ASMTL: variants seen among roughly 807,000 people sequenced by gnomAD.
The protein encoded by ASMTL is probable bifunctional dTTP/UTP pyrophosphatase/methyltransferase protein.
ASMTL carries 57 observed loss-of-function variants against 60.3 expected under a neutral mutation model. The observed-to-expected ratio is 0.95, with a 90% CI of 0.76 to 1.18. The LOEUF (loss-of-function observed/expected upper bound fraction) is 1.18, where lower values mean the gene tolerates loss of function less well. Among genes scored for constraint, ASMTL ranks in the 50% most tolerant of loss-of-function variants. The pLI is 0.00. For missense variants in ASMTL, 981 were observed against 852.6 expected (o/e 1.15, Z -1.88); for synonymous variants, 419 against 373.0 (o/e 1.12, Z -1.42).
At chrX:1,433,760 G>T (rs1386863229) in intron 5 of ASMTL, among the ~76,000 whole-genome samples, 9 of 151,896 alleles carry the variant, frequency 5.9e-5, no homozygotes, top group African/African-American at 2.2e-4. Context: ...TGTTGGCAGA[G>T]CTGTGCCACG....
At chrX:1,428,724 A>T (rs1405640021) in intron 6 of ASMTL, among the ~76,000 whole-genome samples, 1 of 148,406 alleles carries the variant, frequency 6.7e-6, no homozygotes, top group Admixed American at 6.9e-5. Flanking sequence ...TCATCATTAA[A>T]TCAAGCCAAT....
At chrX:1,445,283 CACAA>C (rs199976961) in intron 1 of ASMTL, among the ~76,000 whole-genome samples, 3,648 of 152,178 alleles carry the variant, frequency 0.024, 158 homozygotes, top group African/African-American at 0.083. Context: ...TTGCCTAAAA[CACAA>C]ACAGACACTC....
At chrX:1,417,487 GAC>G (rs759663398) in intron 11 of ASMTL, among the ~76,000 whole-genome samples, 33 of 145,154 alleles carry the variant, frequency 2.3e-4, no homozygotes, top group South Asian at 6.6e-4. Flanking sequence ...ATGCACGGAA[GAC>G]ACACACCATG....
At chrX:1,433,154 CAG>C (rs1357110044) in intron 5 of ASMTL, among the ~76,000 whole-genome samples, 1 of 152,018 alleles carries the variant, frequency 6.6e-6, no homozygotes, top group Non-Finnish European at 1.5e-5. Flanking sequence ...GGTCCGGACA[CAG>C]AGCCCCTGAA....
Position 1,434,171 on chromosome X carries a change from C to G in ASMTL, c.400+851G>C, listed in dbSNP as rs113540166. Among the ~76,000 whole-genome samples, 683 of 152,264 alleles carry G rather than the reference C, an allele frequency of 4.5e-3. 8 individuals carry two copies. Among genetic ancestry groups the G allele is most frequent in the African/African-American group, 0.016 (648 of 41,570 alleles). On this transcript the variant is annotated intron_variant, in intron 5 of 12. Coordinates refer to ENST00000381317, the MANE Select transcript of ASMTL (RefSeq NM_004192.4). ...GGAAGAACCCAGCAATATGGTGATA[C>G]AACTGCCTGGGCCGGGCACCGTGGT...
Position 1,439,106 on chromosome X carries a change from G to C in ASMTL, c.264C>G (p.Asp88Glu). The C allele has an allele frequency of 6.2e-7, 1 of 1,614,020 alleles. No homozygotes were observed. Among genetic ancestry groups the C allele is most frequent in the South Asian group, 1.1e-5 (1 of 91,078 alleles). Residue 88 changes from aspartate to glutamate, a missense_variant, in exon 3 of 13, where the codon GAC (aspartate) becomes GAG (glutamate). By Grantham distance (45) the Asp-to-Glu change is conservative. Coordinates refer to ENST00000381317, the MANE Select transcript of ASMTL (RefSeq NM_004192.4). ...LRAPDVVIGA[D>E]TIVTVGGLIL... ...CCCTGGCCGCACTCACCACGATCGT[G>C]TCCGCTCCAATGACCACGTCGGGGG...
intron 5 of ASMTL, among the ~76,000 whole-genome samples, chrX:1,434,143 G>A (rs1168639216): frequency 1.3e-5 from 2 of 152,108 alleles, no homozygotes; most frequent in African/African-American, 2.4e-5. Flanking sequence ...ATGGGTTGGT[G>A]CAGGAAGAAC....
At chrX:1,418,279 AC>A (rs1357000843) in intron 10 of ASMTL, 163 bp from the exon 11 acceptor site, 3 of 314,010 alleles carry the variant, frequency 9.6e-6, no homozygotes, top group Admixed American at 1.3e-4. Flanking sequence ...CCCAGACAAG[AC>A]TGTACAAGCA....
At chrX:1,437,895 CA>C (rs111281481) in intron 3 of ASMTL, among the ~76,000 whole-genome samples, 39,378 of 126,068 alleles carry the variant, frequency 0.31, 8,478 homozygotes, top group African/African-American at 0.64. Flanking sequence ...GACTCCATCT[CA>C]AAAAAAAAAA....
At chrX:1,431,870 G>A in intron 6 of ASMTL, 1 of 207,554 alleles carries the variant, frequency 4.8e-6, no homozygotes. Context: ...CCAATCTGTG[G>A]ACGGGACGAC....
At position 1,435,041 on chromosome X, in the gene ASMTL, G is replaced by T; in HGVS notation, c.381C>A (p.Ile127=). 1 of 1,613,922 alleles carries T rather than the reference G, an allele frequency of 6.2e-7. No individual in the cohort carries two copies. Among genetic ancestry groups the T allele is most frequent in the East Asian group, 2.2e-5 (1 of 44,878 alleles). The change falls in exon 5 of 13, where the codon ATC becomes ATA. Residue 127 remains isoleucine, a synonymous_variant. Transcript: ENST00000381317. The part of the protein sequence containing the change: ...REHSVFTGVA[I]VHCSSKDHQL... ...GGTTACCTTTGCTGGAGCAGTGGAC[G>T]ATCGCGACACCTGTGAACACGCTGT...
At chrX:1,436,580 C>A (rs2090972033) in intron 3 of ASMTL, among the ~76,000 whole-genome samples, 1 of 152,150 alleles carries the variant, frequency 6.6e-6, no homozygotes. Flanking sequence ...TCTCGATCTC[C>A]TGACCTTGTG....
At chrX:1,426,109 GAC>G (rs1240647252) in intron 7 of ASMTL, among the ~76,000 whole-genome samples, 2 of 151,908 alleles carry the variant, frequency 1.3e-5, no homozygotes, top group African/African-American at 2.4e-5. Context: ...AGGAGATGAG[GAC>G]ACAGACACAC....
At chrX:1,429,127 TC>T (rs2090701157) in intron 6 of ASMTL, among the ~76,000 whole-genome samples, 1 of 151,614 alleles carries the variant, frequency 6.6e-6, no homozygotes, top group Non-Finnish European at 1.5e-5. Flanking sequence ...ACTCCTGACC[TC>T]AGGTGATGCG....
intron 1 of ASMTL, among the ~76,000 whole-genome samples, chrX:1,447,340 A>G (rs759574601): frequency 6.6e-6 from 1 of 152,196 alleles, no homozygotes; most frequent in African/African-American, 2.4e-5. Context: ...GATAAGCACC[A>G]CCATCTTGGA....
At chrX:1,442,127 A>C in intron 2 of ASMTL, 59 bp downstream of exon 2, 1 of 1,587,616 alleles carries the variant, frequency 6.3e-7, no homozygotes, top group East Asian at 2.2e-5. Flanking sequence ...TACCACCCGC[A>C]AATCCCCTCA....
At chrX:1,422,233 T>C (rs1484994378) in intron 8 of ASMTL, among the ~76,000 whole-genome samples, 1 of 152,082 alleles carries the variant, frequency 6.6e-6, no homozygotes, top group Non-Finnish European at 1.5e-5. Flanking sequence ...GCATCTACCA[T>C]CAGTTTGACT....
At chrX:1,414,301 A>G (rs2090155189) in intron 11 of ASMTL, among the ~76,000 whole-genome samples, 1 of 152,174 alleles carries the variant, frequency 6.6e-6, no homozygotes, top group African/African-American at 2.4e-5. Flanking sequence ...GAGAGGATAA[A>G]TAGCAAGCTG....
intron 5 of ASMTL, among the ~76,000 whole-genome samples, chrX:1,433,886 G>A (rs1294770352): frequency 7.2e-5 from 11 of 152,106 alleles, no homozygotes; most frequent in African/African-American, 2.7e-4. Flanking sequence ...GAAGGAAAGT[G>A]CTGTCCCGAG....
Sources: allele counts gnomAD v4.1 joint callset (sites outside exome capture counted in the v4.1 genomes callset), GRCh38; gene constraint gnomAD v4.1.1; transcripts MANE v1.5; gene names NCBI Gene and HGNC (gene_info 2026-07-23, HGNC 2026-07-21).